Variants in GAB4 observed in about 807,000 individuals in gnomAD.
The protein encoded by GAB4 is GRB2-associated-binding protein 4.
In GAB4, 26 loss-of-function variants were observed where a neutral mutation model predicts 51.3. The observed-to-expected ratio is 0.51, with a 90% CI of 0.37 to 0.70. The LOEUF is 0.70. Among genes scored for constraint, GAB4 ranks in the 30% least tolerant of loss-of-function variants. GAB4 has a pLI of 0.00. For synonymous variants in GAB4, 329 were observed against 291.2 expected (o/e 1.13, Z -1.32); for missense variants, 759 against 734.6 (o/e 1.03, Z -0.38).
chr22:17,002,147 C>T (rs535688752), intron 1 of GAB4, among the ~76,000 whole-genome samples: 251 of 152,292 alleles, frequency 1.6e-3, no homozygotes, highest in Middle Eastern at 3.4e-3. Flanking sequence ...CCGTGGGCTG[C>T]ACCCACTGTC....
chr22:16,981,169 A>G (rs1258491513), intron 3 of GAB4, among the ~76,000 whole-genome samples: 1 of 150,716 alleles, frequency 6.6e-6, no homozygotes, highest in African/African-American at 2.4e-5. Flanking sequence ...AAATAAATAA[A>G]TAAATATAAA....
chr22:17,002,362 A>C (rs1347234753), intron 1 of GAB4, among the ~76,000 whole-genome samples: 1 of 152,224 alleles, frequency 6.6e-6, no homozygotes, highest in Non-Finnish European at 1.5e-5. Context: ...AGCGAAGGAG[A>C]AATAAAATCC....
In GAB4 at chr22:16,970,191, C is replaced by T. The variant is rs187875313; in HGVS notation, c.689G>A (p.Ser230Asn). The T allele has an allele frequency of 8.1e-5, 131 of 1,613,924 alleles. No individual in the cohort carries two copies. The highest frequency in any genetic ancestry group is 5.7e-4 in the African/African-American group (43 of 75,012). Reference protein sequence around the residue: ...HASQRAEHARSASFSQGSEAP... With the variant: ...HASQRAEHARNASFSQGSEAP... ...CTCAGAACCCTGGGAGAAGCTGGCACTCCTAAGAGAGAGAAAGAAGGGAAG... is the reference window on the plus strand; with the variant it reads ...CTCAGAACCCTGGGAGAAGCTGGCATTCCTAAGAGAGAGAAAGAAGGGAAG... The change falls in exon 4 of 10, where the codon AGT becomes AAT. Residue 230 changes from serine to asparagine, a missense_variant and splice_region_variant. Ser to Asn is a conservative substitution (Grantham distance 46). Transcript: ENST00000400588.
At chr22:16,993,724 A>C (rs141998971) in intron 1 of GAB4, among the ~76,000 whole-genome samples, 1 of 152,260 alleles carries the variant, frequency 6.6e-6, no homozygotes, top group East Asian at 1.9e-4. Flanking sequence ...GTCCTACCAT[A>C]TTTACCTAGT....
chr22:16,975,596 C>CA (rs2123669730), intron 3 of GAB4, among the ~76,000 whole-genome samples: 1 of 152,352 alleles, frequency 6.6e-6, no homozygotes, highest in Admixed American at 6.5e-5. Flanking sequence ...AGCAGACTTA[C>CA]AAAACGTTCT....
intron 6 of GAB4, among the ~76,000 whole-genome samples, chr22:16,965,852 G>A (rs1477122372): frequency 7.2e-5 from 11 of 152,208 alleles, no homozygotes; most frequent in Admixed American, 1.3e-4. Context: ...TGGTCTACAC[G>A]TGGAGGGCAC....
intron 2 of GAB4, among the ~76,000 whole-genome samples, chr22:16,989,928 A>G (rs1287242980): frequency 6.6e-6 from 1 of 152,198 alleles, no homozygotes; most frequent in East Asian, 1.9e-4. Context: ...CCTGCAGCTC[A>G]GGCCTTTCTG....
At chr22:16,992,244 A>ATCAC in intron 1 of GAB4, 68 bp from the exon 2 acceptor site, 1 of 1,399,276 alleles carries the variant, frequency 7.1e-7, no homozygotes, top group Non-Finnish European at 9.8e-7. Flanking sequence ...GGTCTGAGAC[A>ATCAC]TCACTAAGTT....
rs748358302 is a variant in GAB4, at chr22:16,966,287, A to G, written c.1101T>C (p.Pro367=). Residue 367 remains proline, a synonymous_variant, in exon 6 of 10, where the codon CCT becomes CCC. Transcript: ENST00000400588. The stretch of plus-strand genomic sequence containing the variant: ...CTGCTTGCTTCACAGCCGGCAGGGT[A>G]GGGGAGCCTGGGTTCATGGGCACAC... ...GSCVPMNPGS[P]TLPAVKQAGD... 3.7e-5 allele frequency: 59 copies of G among 1,613,792 alleles called. No individual in the cohort carries two copies. Among genetic ancestry groups the G allele is most frequent in the Non-Finnish European group, 4.9e-5 (58 of 1,179,980 alleles).
chr22:17,006,659 T>C (rs2061042032), intron 1 of GAB4, among the ~76,000 whole-genome samples: 1 of 152,130 alleles, frequency 6.6e-6, no homozygotes, highest in Non-Finnish European at 1.5e-5. Flanking sequence ...ATATACACTA[T>C]GGAATATTAT....
At chr22:16,967,802 T>A (rs533745734) in intron 5 of GAB4, among the ~76,000 whole-genome samples, 1 of 152,282 alleles carries the variant, frequency 6.6e-6, no homozygotes, top group Admixed American at 6.5e-5. Context: ...CCTTTCCAGG[T>A]GGCAGCCTGG....
intron 1 of GAB4, among the ~76,000 whole-genome samples, chr22:16,998,054 T>C (rs560780881): frequency 3.5e-4 from 53 of 152,356 alleles, no homozygotes; most frequent in African/African-American, 1.2e-3. Context: ...TGTAGCCTTG[T>C]AGTATAGTTT....
rs1569106863 is a variant in GAB4, at chr22:16,991,913, G to T, written c.438C>A (p.Ser146Arg). Residue 146 changes from serine (S) to arginine (R), a missense_variant, in exon 2 of 10, where the codon AGC becomes AGA. Around this residue, in one of 3 missense-constraint regions of GAB4, gnomAD observed 88 missense variants for 151.3 expected, o/e 0.58. Coordinates refer to ENST00000400588, the MANE Select transcript of GAB4 (RefSeq NM_001037814.1). ...TREDMNEWVQ[S>R]ICQICGFRQE... Reference sequence around the variant, plus strand: ...GCCTGAAGCCACAGATCTGACAGATGCTCTGGACCCACTCATTCATGTCCT... The same window carrying T: ...GCCTGAAGCCACAGATCTGACAGATTCTCTGGACCCACTCATTCATGTCCT... The T allele has an allele frequency of 1.2e-6, 2 of 1,614,100 alleles. No homozygotes were observed. Among genetic ancestry groups the T allele is most frequent in the Non-Finnish European group, 1.7e-6 (2 of 1,179,966 alleles).
chr22:16,977,898 T>C (rs1324204774), intron 3 of GAB4, among the ~76,000 whole-genome samples: 1 of 152,118 alleles, frequency 6.6e-6, no homozygotes, highest in Admixed American at 6.5e-5. Context: ...CACAACTACA[T>C]GGAAACTGAA....
Position 16,988,302 on chromosome 22 carries a change from A to G in GAB4, c.479-135T>C. ...ATGCCTGCCTCCTCTGTCCTCCCAG[A>G]GGAGGGCTGGGGCCTCCTGGCTATC... is the stretch of plus-strand genomic sequence containing the variant. On this transcript the variant is annotated intron_variant, in intron 2 of 9. Transcript: ENST00000400588. 10 of 696,164 alleles carry G rather than the reference A, an allele frequency of 1.4e-5. 1 individual carries two copies. The South Asian group carries it at 1.6e-4, about 11-fold the overall frequency. The allele number at this position is 696,164 out of a possible 1,614,324, so 43.1% of individuals were successfully genotyped here.
At chr22:16,975,842 TCTCCACTGGTGATA>T (rs1345605503) in intron 3 of GAB4, among the ~76,000 whole-genome samples, 4 of 152,200 alleles carry the variant, frequency 2.6e-5, no homozygotes, top group South Asian at 2.1e-4. Context: ...TGTTCTGTAG[TCTCCACTGGTGATA>T]CTCCACTGGT....
chr22:17,004,483 C>G (rs2123729901), intron 1 of GAB4, among the ~76,000 whole-genome samples: 1 of 152,326 alleles, frequency 6.6e-6, no homozygotes, highest in Admixed American at 6.5e-5. Flanking sequence ...CAATCACGAT[C>G]AAGTCGACTT....
rs764372210 is a variant in GAB4 at position 16,965,240 on chromosome 22, G to A, written c.1317C>T (p.Asn439=). 1.2e-5 allele frequency: 19 copies of A among 1,613,976 alleles called. No individual in the cohort carries two copies. Among genetic ancestry groups the A allele is most frequent in the Non-Finnish European group, 1.4e-5 (17 of 1,179,982 alleles). Residue 439 remains asparagine (N), a synonymous_variant, in exon 7 of 10, where the codon AAC becomes AAT. Transcript: ENST00000400588. ...AGGAGAGCTCATTGATGACCCTGTT[G>A]TTTCTCAGGTTGGGCGGTGTTGGGT... ...KANPTPPNLR[N]NRVINELSFK...
intron 3 of GAB4, 96 bp from the exon 4 acceptor site, chr22:16,970,289 A>T: frequency 1.5e-6 from 2 of 1,366,922 alleles, no homozygotes; most frequent in South Asian, 2.6e-5. Context: ...ATGTAGTGAG[A>T]TGATATGGAG....
Sources: gnomAD v4.1 joint callset for allele counts (sites outside exome capture counted in the v4.1 genomes callset) on GRCh38, gnomAD v4.1.1 for gene constraint, gnomAD v4.1.1 regional missense constraint, MANE v1.5 for transcripts, NCBI Gene and HGNC (gene_info 2026-07-23, HGNC 2026-07-21) for gene names.